COL25A1: variants seen among roughly 807,000 people sequenced by gnomAD.
COL25A1 encodes collagen type XXV alpha 1 chain.
A neutral mutation model predicts 128.4 loss-of-function variants in COL25A1; 103 were observed. That is an observed-to-expected ratio of 0.80 (90% CI 0.68 to 0.94). The LOEUF (loss-of-function observed/expected upper bound fraction) is 0.94. Among genes scored for constraint, COL25A1 ranks in the 40% least tolerant of loss-of-function variants. The pLI, the probability that COL25A1 is intolerant of heterozygous loss-of-function variation, is 0.00. For synonymous variants in COL25A1, 279 were observed against 277.2 expected, an observed-to-expected ratio of 1.01 and a Z score of -0.06; for missense variants, 745 against 840.0, an observed-to-expected ratio of 0.89 and a Z score of 1.40.
intron 3 of COL25A1, among the ~76,000 whole-genome samples, chr4:109,066,664 C>T (rs893160006): frequency 6.6e-6 from 1 of 152,060 alleles, no homozygotes; most frequent in African/African-American, 2.4e-5. Flanking sequence ...TTCCTTTCTT[C>T]CTTTTTTTGA....
intron 3 of COL25A1, among the ~76,000 whole-genome samples, chr4:109,092,007 C>A (rs1764956765): frequency 6.6e-6 from 1 of 152,086 alleles, no homozygotes; most frequent in Non-Finnish European, 1.5e-5. Flanking sequence ...GATGACAGCC[C>A]AAGGAAACAG....
intron 19 of COL25A1, among the ~76,000 whole-genome samples, chr4:108,871,401 C>T (rs112315792): frequency 0.098 from 14,966 of 152,162 alleles, 948 homozygotes; most frequent in Non-Finnish European, 0.14. Flanking sequence ...CTGCAAGCTC[C>T]GCCTCCCGGG....
Position 108,827,164 on chromosome 4 carries a change from G to A in COL25A1, c.1735C>T (p.Pro579Ser). The A allele has an allele frequency of 6.2e-7, 1 of 1,613,934 alleles. No homozygotes were observed. Among genetic ancestry groups the A allele is most frequent in the Non-Finnish European group, 8.5e-7 (1 of 1,179,944 alleles). ...ERGEKGAMGE[P>S]GPRGPYGLPG... ...AGCCCATAGGGCCCTCTTGGTCCAG[G>A]CTCTCCCATAGCTCCTTTTTCACCC... The change falls in exon 33 of 38, where the codon CCT becomes TCT. Residue 579 changes from proline (P) to serine (S), a missense_variant. Pro to Ser is a moderately conservative substitution (Grantham distance 74, BLOSUM62 -1). Coordinates refer to ENST00000399132, the MANE Select transcript of COL25A1 (RefSeq NM_198721.4).
chr4:108,844,401 C>G, intron 30 of COL25A1, 118 bp downstream of exon 30: 1 of 1,542,020 alleles, frequency 6.5e-7, no homozygotes, highest in Non-Finnish European at 8.9e-7. Flanking sequence ...TATTTTCCAT[C>G]CATTCCACAG....
Position 109,151,518 on chromosome 4 carries a change from T to A in COL25A1, c.368-101339A>T, listed in dbSNP as rs570067550. Among the ~76,000 whole-genome samples the A allele has an allele frequency of 2.6e-3, 394 of 152,132 alleles. 2 individuals carry two copies. The Middle Eastern group carries it at 0.034, about 13-fold the overall frequency. On this transcript the variant is annotated intron_variant, in intron 3 of 37. Transcript: ENST00000399132. ...TATATAATGCCAGTAACCTTATTTTTAAAAAAAATTCTTGATTTTCCTGAA... is the reference window on the plus strand; with the variant it reads ...TATATAATGCCAGTAACCTTATTTTAAAAAAAAATTCTTGATTTTCCTGAA...
At chr4:108,961,162 G>A (rs921550148) in intron 8 of COL25A1, among the ~76,000 whole-genome samples, 3 of 152,056 alleles carry the variant, frequency 2.0e-5, no homozygotes, top group African/African-American at 7.2e-5. Context: ...ACAAGAATAG[G>A]TTCACATTTG....
At chr4:108,947,533 T>C (rs1748918177) in intron 8 of COL25A1, among the ~76,000 whole-genome samples, 1 of 151,928 alleles carries the variant, frequency 6.6e-6, no homozygotes, top group South Asian at 2.1e-4. Flanking sequence ...CTAGGGAGGC[T>C]GTAGAGAAGG....
At chr4:109,085,517 T>C (rs1475889858) in intron 3 of COL25A1, among the ~76,000 whole-genome samples, 4 of 152,196 alleles carry the variant, frequency 2.6e-5, no homozygotes, top group Non-Finnish European at 4.4e-5. Context: ...TAGTTTCTAG[T>C]CTTTCCCCTC....
intron 6 of COL25A1, among the ~76,000 whole-genome samples, chr4:108,984,548 C>T (rs577170638): frequency 1.3e-5 from 2 of 152,312 alleles, no homozygotes; most frequent in African/African-American, 4.8e-5. Flanking sequence ...CGCGGGAAGG[C>T]AGCTAAGGCC....
chr4:109,259,703 T>C (rs1349944365), intron 3 of COL25A1, among the ~76,000 whole-genome samples: 1 of 152,222 alleles, frequency 6.6e-6, no homozygotes, highest in Non-Finnish European at 1.5e-5. Context: ...TTTAAACATG[T>C]AATATATATT....
intron 3 of COL25A1, among the ~76,000 whole-genome samples, chr4:109,090,659 A>G (rs1454512810): frequency 6.6e-6 from 1 of 152,184 alleles, no homozygotes; most frequent in Non-Finnish European, 1.5e-5. Context: ...CTTCTTTACT[A>G]CTTAGTTTCA....
intron 3 of COL25A1, among the ~76,000 whole-genome samples, chr4:109,136,158 G>A (rs1425845642): frequency 4.6e-5 from 7 of 152,088 alleles, no homozygotes; most frequent in Non-Finnish European, 1.0e-4. Flanking sequence ...AGCACTTTGG[G>A]AAGCCAAGGC....
At chr4:109,278,280 T>C (rs943215244) in intron 3 of COL25A1, among the ~76,000 whole-genome samples, 1 of 152,222 alleles carries the variant, frequency 6.6e-6, no homozygotes, top group African/African-American at 2.4e-5. Context: ...AACACGCAGC[T>C]ATGTAGCTTT....
intron 3 of COL25A1, among the ~76,000 whole-genome samples, chr4:109,230,419 AT>A (rs1297774704): frequency 6.6e-6 from 1 of 152,152 alleles, no homozygotes; most frequent in East Asian, 1.9e-4. Context: ...AAACAGTGTT[AT>A]TTGTAACATT....
chr4:109,236,442 T>C (rs890268298), intron 3 of COL25A1, among the ~76,000 whole-genome samples: 3 of 152,040 alleles, frequency 2.0e-5, no homozygotes, highest in Non-Finnish European at 4.4e-5. Flanking sequence ...TGCAAAGCCA[T>C]TCCCCAAACA....
chr4:109,067,351 C>T (rs1375925211), intron 3 of COL25A1, among the ~76,000 whole-genome samples: 1 of 152,120 alleles, frequency 6.6e-6, no homozygotes, highest in Non-Finnish European at 1.5e-5. Context: ...TATATAATGG[C>T]TGAGACTCCA....
chr4:109,078,008 GT>G (rs1332474688), intron 3 of COL25A1, among the ~76,000 whole-genome samples: 2 of 152,172 alleles, frequency 1.3e-5, no homozygotes, highest in Non-Finnish European at 2.9e-5. Flanking sequence ...TAGTAGGGGT[GT>G]TTTCTTATCT....
intron 5 of COL25A1, among the ~76,000 whole-genome samples, chr4:109,046,973 C>A (rs746865350): frequency 7.9e-5 from 12 of 152,112 alleles, no homozygotes; most frequent in Non-Finnish European, 1.6e-4. Context: ...TCAGAGCTGA[C>A]AAGATAATCT....
At chr4:109,001,392 A>AGGTAGGCATCTGAGATCCTGTCT in intron 6 of COL25A1, among the ~76,000 whole-genome samples, 3 of 152,302 alleles carry the variant, frequency 2.0e-5, no homozygotes, top group African/African-American at 4.8e-5. Context: ...AGATCCTGTC[A>AGGTAGGCATCTGAGATCCTGTCT]GGTAGGCATC....
Sources: gnomAD v4.1 joint callset for allele counts (sites outside exome capture counted in the v4.1 genomes callset) on GRCh38, gnomAD v4.1.1 for gene constraint, MANE v1.5 for transcripts, NCBI Gene and HGNC (gene_info 2026-07-23, HGNC 2026-07-21) for gene names.